The following ICAM2 variants were observed in gnomAD, a reference collection of about 807,000 sequenced individuals.
ICAM2 encodes intercellular adhesion molecule 2.
A neutral mutation model predicts 19.1 loss-of-function variants in ICAM2; 14 were observed. The observed-to-expected ratio is 0.73, with a 90% CI of 0.48 to 1.15. The LOEUF (loss-of-function observed/expected upper bound fraction) is 1.15. Among genes scored for constraint, ICAM2 ranks in the 50% most tolerant of loss-of-function variants. ICAM2 has a pLI of 0.00. For synonymous variants in ICAM2, 153 were observed against 152.7 expected, an observed-to-expected ratio of 1.00 and a Z score of -0.01; for missense variants, 311 against 355.4, an observed-to-expected ratio of 0.88 and a Z score of 1.00.
In ICAM2 at chr17:64,003,629, CG is replaced by C. The variant is rs1910969693; in HGVS notation, c.649+14del. On this transcript the variant is annotated intron_variant, in intron 4 of 4. Transcript: ENST00000579788. ...GACTTATCACTCCCAACTCCATCCACGGATCCCCCCTCACCATAGATCTCCA... is the reference window on the plus strand; with the variant it reads ...GACTTATCACTCCCAACTCCATCCACGATCCCCCCTCACCATAGATCTCCA... 6 of 1,602,800 alleles carry C rather than the reference CG, an allele frequency of 3.7e-6. No individual in the cohort carries two copies. The East Asian group carries it at 1.3e-4, about 36-fold the overall frequency.
chr17:64,014,366 A>G (rs1911580447), intron 1 of ICAM2, among the ~76,000 whole-genome samples: 1 of 59,386 alleles, frequency 1.7e-5, no homozygotes, highest in Non-Finnish European at 3.7e-5. Context: ...AAAGAAAGAA[A>G]GAAAGAAAGA....
intron 1 of ICAM2, among the ~76,000 whole-genome samples, chr17:64,010,267 T>C (rs150989501): frequency 1.0e-3 from 152 of 152,294 alleles, no homozygotes; most frequent in Middle Eastern, 3.4e-3. Flanking sequence ...CTGACCATGA[T>C]GTAGAAGAGA....
intron 3 of ICAM2, chr17:64,004,728 G>A (rs369937803): frequency 3.0e-6 from 1 of 330,220 alleles, no homozygotes; most frequent in East Asian, 6.9e-5. Context: ...AACCCTGGGC[G>A]ACACTTCAAC....
In ICAM2 at chr17:64,003,034, G is replaced by A. The variant is rs551797474; in HGVS notation, c.650-109C>T. 4.6e-5 allele frequency: 40 copies of A among 872,870 alleles called. No homozygotes were observed. The South Asian group carries it at 5.5e-4, about 12-fold the overall frequency. The allele number at this position is 872,870 out of a possible 1,614,324, so 54.1% of individuals were successfully genotyped here. A position where few individuals can be genotyped will look rare whatever the true frequency, so the allele number is the denominator to read the frequency against. On this transcript the variant is annotated intron_variant, in intron 4 of 4. Transcript: ENST00000579788. ...CCCAGACCCCCAGACCCCGCCGCCC[G>A]CTCATGCATCCAGCAGTCACCCCAG...
At chr17:64,009,978 A>G (rs1453056793) in intron 1 of ICAM2, among the ~76,000 whole-genome samples, 1 of 152,188 alleles carries the variant, frequency 6.6e-6, no homozygotes, top group Non-Finnish European at 1.5e-5. Context: ...TCACAAAAGA[A>G]TGCAGTTTCC....
intron 4 of ICAM2, chr17:64,003,366 C>T: frequency 4.0e-6 from 2 of 499,160 alleles, no homozygotes; most frequent in Non-Finnish European, 7.2e-6. Flanking sequence ...CCAAACTTCT[C>T]ATTGTGGAGG....
chr17:64,014,105 TATC>T (rs927924759), intron 1 of ICAM2, among the ~76,000 whole-genome samples: 31 of 151,954 alleles, frequency 2.0e-4, no homozygotes, highest in Admixed American at 1.2e-3. Context: ...ATAATGAAAA[TATC>T]ATGTTAAAAT....
At chr17:64,017,266 C>T (rs1019812178) in intron 1 of ICAM2, among the ~76,000 whole-genome samples, 1 of 152,110 alleles carries the variant, frequency 6.6e-6, no homozygotes, top group Non-Finnish European at 1.5e-5. Flanking sequence ...AGCAAGGCAA[C>T]TAGCTAAAAG....
At chr17:64,015,290 G>A (rs1421660116) in intron 1 of ICAM2, among the ~76,000 whole-genome samples, 1 of 152,066 alleles carries the variant, frequency 6.6e-6, no homozygotes, top group East Asian at 1.9e-4. Flanking sequence ...TTACCACAAT[G>A]AAAAATAAAG....
At chr17:64,016,335 GC>G (rs1321015560) in intron 1 of ICAM2, among the ~76,000 whole-genome samples, 1 of 152,124 alleles carries the variant, frequency 6.6e-6, no homozygotes, top group African/African-American at 2.4e-5. Flanking sequence ...TATCACTTCT[GC>G]CCTCTGCTGA....
chr17:64,010,990 A>G (rs1264936424), intron 1 of ICAM2, among the ~76,000 whole-genome samples: 1 of 152,194 alleles, frequency 6.6e-6, no homozygotes, highest in Non-Finnish European at 1.5e-5. Flanking sequence ...TCCAAAATAT[A>G]TAAGAAACTC....
At position 64,002,858 on chromosome 17, in the gene ICAM2, C is replaced by T; in HGVS notation, c.717G>A (p.Val239=). 1 of 1,613,940 alleles carries T rather than the reference C, an allele frequency of 6.2e-7. No individual in the cohort carries two copies. Among genetic ancestry groups the T allele is most frequent in the Non-Finnish European group, 8.5e-7 (1 of 1,179,960 alleles). The change falls in exon 5 of 5, where the codon GTG becomes GTA. Residue 239 remains valine (V), a synonymous_variant. Coordinates refer to ENST00000579788, the MANE Select transcript of ICAM2 (RefSeq NM_001099789.2). The part of the protein sequence containing the change: ...TVVSVLLSLF[V]TSVLLCFIFG... ...AGATGAAGCAGAGCAGGACAGATGT[C>T]ACGAACAGGGACAGCAACACCGACA...
At chr17:64,014,696 AG>A (rs1395572515) in intron 1 of ICAM2, among the ~76,000 whole-genome samples, 69 of 74,212 alleles carry the variant, frequency 9.3e-4, no homozygotes, top group African/African-American at 3.0e-3. Flanking sequence ...GAAGGAAGGA[AG>A]GAAGGAAGGA....
At chr17:64,016,121 A>T (rs1042049423) in intron 1 of ICAM2, among the ~76,000 whole-genome samples, 3 of 152,200 alleles carry the variant, frequency 2.0e-5, no homozygotes, top group African/African-American at 7.2e-5. Flanking sequence ...AGAAAGCAAT[A>T]TTAGAGGCCA....
chr17:64,020,195 C>T lies in ICAM2; in HGVS notation c.-45+328G>A, dbSNP rs1911892978. ...CTCAGATGGTCCAGATCACAGCCCA[C>T]GTGGGCCCCTAAATAAGGAGGCAGC... On this transcript the variant is annotated intron_variant, in intron 1 of 4. Transcript: ENST00000579788. Among the ~76,000 whole-genome samples the T allele has an allele frequency of 2.6e-5, 4 of 151,932 alleles. No individual in the cohort carries two copies. In the South Asian group the frequency reaches 8.3e-4, roughly 32 times the overall value.
rs1275659998 is a variant in ICAM2 at position 64,006,638 on chromosome 17, G to A, written c.54C>T (p.Cys18=). ...CCCAGGAAACTGGCTTACCTGGACA[G>A]CAGATCAGGGTGAAGAGGGCCACAG... is the stretch of plus-strand genomic sequence containing the variant. ...TLTVALFTLI[C]CPGSDEKVFE... is the part of the protein sequence containing the mutation. The change falls in exon 2 of 5, where the codon TGC becomes TGT. Residue 18 remains cysteine (C), a synonymous_variant. Coordinates refer to ENST00000579788, the MANE Select transcript of ICAM2 (RefSeq NM_001099789.2). 6.2e-7 allele frequency: 1 copy of A among 1,614,064 alleles called. No homozygotes were observed. The highest frequency in any genetic ancestry group is 8.5e-7 in the Non-Finnish European group (1 of 1,179,900).
intron 1 of ICAM2, among the ~76,000 whole-genome samples, chr17:64,014,347 G>GAAAT (rs1911575682): frequency 1.5e-4 from 7 of 48,188 alleles, no homozygotes; most frequent in African/African-American, 4.8e-4. Context: ...AAGAAAGAAA[G>GAAAT]AAAGAAAGAA....
chr17:64,004,853 G>A (rs1911093699), intron 3 of ICAM2: 1 of 576,410 alleles, frequency 1.7e-6, no homozygotes, highest in Non-Finnish European at 3.1e-6. Context: ...TCTGGATTTG[G>A]CTAAATGTTG....
chr17:64,018,333 CAAAAAAAAAA>C (rs376250303), intron 1 of ICAM2, among the ~76,000 whole-genome samples: 7 of 52,736 alleles, frequency 1.3e-4, no homozygotes, highest in South Asian at 1.3e-3. Flanking sequence ...GACTCTATCT[CAAAAAAAAAA>C]AAAAAAAAAA....
Sources: allele counts gnomAD v4.1 joint callset (sites outside exome capture counted in the v4.1 genomes callset), GRCh38; gene constraint gnomAD v4.1.1; transcripts MANE v1.5; gene names NCBI Gene and HGNC (gene_info 2026-07-23, HGNC 2026-07-21).